Variants in KANK4 observed in about 807,000 individuals in gnomAD.
KANK4 encodes KN motif and ankyrin repeat domains 4.
A neutral mutation model predicts 80.8 loss-of-function variants in KANK4; 50 were observed. The ratio of observed to expected loss-of-function variants is 0.62; its 90% CI spans 0.49 to 0.78. KANK4 has a LOEUF of 0.78. Ranked by LOEUF, KANK4 falls within the 30% of genes least tolerant of loss-of-function variation. The probability of loss-of-function intolerance (pLI) is 0.00; values close to 1 mark genes in which losing one functional copy is unlikely to be tolerated. For synonymous variants in KANK4, 465 were observed against 506.9 expected (o/e 0.92, Z 1.11); for missense variants, 1,196 against 1,240.1 (o/e 0.96, Z 0.53).
At chr1:62,318,715 G>A (rs1216767580) in intron 1 of KANK4, among the ~76,000 whole-genome samples, 3 of 152,220 alleles carry the variant, frequency 2.0e-5, no homozygotes, top group Non-Finnish European at 4.4e-5. Context: ...CGCCTAGCTC[G>A]GAAAAGCTGG....
At chr1:62,271,319 C>T (rs900177973) in intron 4 of KANK4, among the ~76,000 whole-genome samples, 159 bp downstream of exon 4, 19 of 152,122 alleles carry the variant, frequency 1.2e-4, no homozygotes, top group African/African-American at 2.2e-4. Flanking sequence ...AGAAGCCAAA[C>T]GCATGCAAAC....
intron 7 of KANK4, among the ~76,000 whole-genome samples, chr1:62,255,831 A>C (rs1204271320): frequency 6.6e-6 from 1 of 151,302 alleles, no homozygotes; most frequent in South Asian, 2.1e-4. Context: ...TGTGTTTTTT[A>C]TAGAAACAGG....
Position 62,274,987 on chromosome 1 carries a change from G to A in KANK4, c.117C>T (p.Phe39=), listed in dbSNP as rs778541639. The stretch of plus-strand genomic sequence containing the variant: ...TCTCGATGTCATCCACATACTTGAG[G>A]AAGTCCAGGTCTAAATGAAAGCCAT... The part of the protein sequence containing the change: ...TPYGFHLDLD[F]LKYVDDIEKG... The change falls in exon 3 of 10, where the codon TTC becomes TTT. Residue 39 remains phenylalanine (F), a synonymous_variant. Transcript: ENST00000371153. The A allele has an allele frequency of 1.2e-6, 2 of 1,614,108 alleles. No individual in the cohort carries two copies.
intron 1 of KANK4, among the ~76,000 whole-genome samples, chr1:62,289,254 C>T (rs1317297191): frequency 6.6e-6 from 1 of 152,214 alleles, no homozygotes. Context: ...ACTGTTACTT[C>T]TATTGTCCAA....
At chr1:62,259,101 T>C (rs1671819319) in intron 7 of KANK4, among the ~76,000 whole-genome samples, 1 of 151,992 alleles carries the variant, frequency 6.6e-6, no homozygotes, top group African/African-American at 2.4e-5. Context: ...CTAAGAGCAA[T>C]AGGAGGCCAC....
intron 1 of KANK4, among the ~76,000 whole-genome samples, chr1:62,302,304 A>G (rs1279022317): frequency 7.2e-5 from 11 of 152,064 alleles, no homozygotes; most frequent in Non-Finnish European, 1.5e-4. Flanking sequence ...AGGGAGAAGG[A>G]TGGACTTCTA....
chr1:62,245,890 C>T (rs751276956), intron 9 of KANK4, among the ~76,000 whole-genome samples: 13 of 152,084 alleles, frequency 8.5e-5, no homozygotes, highest in South Asian at 2.1e-4. Flanking sequence ...TGATATGTGG[C>T]GGGCACTCTA....
At chr1:62,299,631 G>T (rs1364468632) in intron 1 of KANK4, among the ~76,000 whole-genome samples, 1 of 152,204 alleles carries the variant, frequency 6.6e-6, no homozygotes, top group Admixed American at 6.5e-5. Context: ...AGCCTACAGT[G>T]ATGAGGACCG....
At chr1:62,246,758 T>C (rs11799549) in intron 9 of KANK4, among the ~76,000 whole-genome samples, 121 of 149,514 alleles carry the variant, frequency 8.1e-4, no homozygotes, top group African/African-American at 2.9e-3. Flanking sequence ...CCACCATACC[T>C]GGTTAATTTT....
At chr1:62,256,257 A>G (rs929986604) in intron 7 of KANK4, among the ~76,000 whole-genome samples, 1 of 152,212 alleles carries the variant, frequency 6.6e-6, no homozygotes, top group Non-Finnish European at 1.5e-5. Flanking sequence ...TGATATTCTC[A>G]TAAGGTTTAG....
rs1330728341 is a variant in KANK4, at chr1:62,268,341, T to C, written c.2177A>G (p.His726Arg). The stretch of plus-strand genomic sequence containing the variant: ...CCCAGGCCCACTTTCCTGGGCAGCA[T>C]GGCAGGTGCCCTCAGGGATGCCCTG... ...AGQGIPEGTC[H>R]AAQESGPGEE... is the part of the protein sequence containing the mutation. The change falls in exon 5 of 10, where the codon CAT becomes CGT. Residue 726 changes from histidine to arginine, a missense_variant. Coordinates refer to ENST00000371153, the MANE Select transcript of KANK4 (RefSeq NM_181712.5). 2 of 1,614,070 alleles carry C rather than the reference T, an allele frequency of 1.2e-6. No individual in the cohort carries two copies. Among genetic ancestry groups the C allele is most frequent in the Middle Eastern group, 1.7e-4 (1 of 6,040 alleles).
intron 9 of KANK4, among the ~76,000 whole-genome samples, chr1:62,242,146 G>C (rs553203558): frequency 2.5e-4 from 37 of 149,620 alleles, no homozygotes; most frequent in Non-Finnish European, 4.8e-4. Context: ...CCCGACTGAA[G>C]AGATGGGGAA....
chr1:62,302,616 C>T (rs190968938), intron 1 of KANK4, among the ~76,000 whole-genome samples: 1 of 152,120 alleles, frequency 6.6e-6, no homozygotes, highest in Non-Finnish European at 1.5e-5. Flanking sequence ...AAAAAGTCCC[C>T]AGAGTGCTCC....
rs1213050324 is a variant in KANK4 at position 62,263,149 on chromosome 1, G to A, written c.2482C>T (p.Leu828Phe). 6.2e-7 allele frequency: 1 copy of A among 1,613,852 alleles called. No homozygotes were observed. Among genetic ancestry groups the A allele is most frequent in the Non-Finnish European group, 8.5e-7 (1 of 1,179,926 alleles). Residue 828 changes from leucine to phenylalanine, a missense_variant, in exon 7 of 10, where the codon CTT (leucine) becomes TTT (phenylalanine). Coordinates refer to ENST00000371153, the MANE Select transcript of KANK4 (RefSeq NM_181712.5). ...TTGGAGTGGGACACGCTGTAGTGAA[G>A]GGCCGTGTTCCCGTTGTGATCGGCC... ...NLADHNGNTA[L>F]HYSVSHSNFS... is the part of the protein sequence containing the mutation.
At chr1:62,317,129 G>A (rs1644548615) in intron 1 of KANK4, among the ~76,000 whole-genome samples, 1 of 152,160 alleles carries the variant, frequency 6.6e-6, no homozygotes, top group African/African-American at 2.4e-5. Flanking sequence ...GGCCGGGAAA[G>A]TGTTAGAGCC....
intron 8 of KANK4, among the ~76,000 whole-genome samples, chr1:62,252,055 G>A (rs1202600882): frequency 6.6e-6 from 1 of 151,968 alleles, no homozygotes. Flanking sequence ...TATCAGAGGT[G>A]TCTAGAGTAA....
intron 1 of KANK4, among the ~76,000 whole-genome samples, chr1:62,292,873 A>G (rs1489281183): frequency 6.6e-6 from 1 of 152,134 alleles, no homozygotes; most frequent in Admixed American, 6.5e-5. Context: ...CAAGTTAACT[A>G]ACTCGTCTCA....
chr1:62,273,909 GA>G lies in KANK4; in HGVS notation c.1194del (p.His399ThrfsTer14). On this transcript the variant is annotated frameshift_variant, in exon 3 of 10. Transcript: ENST00000371153. LOFTEE classifies it high-confidence loss of function. ...EFTVAQLEGQFHQENAKDTQG... is the reference protein window; with the variant it reads ...EFTVAQLEGQXHQENAKDTQG... ...TGAGTGTCTTTGGCGTTCTCTTGGTGAAACTGTCCTTCCAGTTGGGCTACAG... is the reference window on the plus strand; with the variant it reads ...TGAGTGTCTTTGGCGTTCTCTTGGTGAACTGTCCTTCCAGTTGGGCTACAG... 6.2e-7 allele frequency: 1 copy of G among 1,614,200 alleles called. No homozygotes were observed. The highest frequency in any genetic ancestry group is 8.5e-7 in the Non-Finnish European group (1 of 1,180,036).
intron 2 of KANK4, among the ~76,000 whole-genome samples, chr1:62,279,343 G>A (rs1672401141): frequency 6.6e-6 from 1 of 152,162 alleles, no homozygotes; most frequent in Admixed American, 6.5e-5. Flanking sequence ...GGGAGTTTGA[G>A]CTGATAAGCT....
Sources: gnomAD v4.1 joint callset for allele counts (sites outside exome capture counted in the v4.1 genomes callset) on GRCh38, gnomAD v4.1.1 for gene constraint, MANE v1.5 for transcripts, NCBI Gene and HGNC (gene_info 2026-07-23, HGNC 2026-07-21) for gene names.